Variants in RGS10 observed in about 807,000 individuals in gnomAD.
RGS10 encodes regulator of G protein signaling 10, also known as regulator of G-protein signalling 10.
In RGS10, 11 loss-of-function variants were observed where a neutral mutation model predicts 23.5. The ratio of observed to expected loss-of-function variants is 0.47; its 90% CI spans 0.29 to 0.77. The LOEUF is 0.77. Among genes scored for constraint, RGS10 ranks in the 30% least tolerant of loss-of-function variants. The pLI is 0.08. For synonymous variants in RGS10, 77 were observed against 83.2 expected, an observed-to-expected ratio of 0.92 and a Z score of 0.41; for missense variants, 180 against 226.3, an observed-to-expected ratio of 0.80 and a Z score of 1.31.
chr10:119,542,029 C>T (rs1341998859), intron 1 of RGS10, among the ~76,000 whole-genome samples: 2 of 152,244 alleles, frequency 1.3e-5, no homozygotes, highest in Non-Finnish European at 2.9e-5. Context: ...AACGTCAGAA[C>T]TTCGCTGGCT....
At chr10:119,512,333 G>A (rs933346129) in intron 4 of RGS10, among the ~76,000 whole-genome samples, 5 of 152,126 alleles carry the variant, frequency 3.3e-5, no homozygotes, top group African/African-American at 1.2e-4. Context: ...GCTCTCGAGG[G>A]AGCCTTTGCA....
At chr10:119,536,578 G>C (rs1273031367) in intron 1 of RGS10, 6 of 1,457,534 alleles carry the variant, frequency 4.1e-6, no homozygotes, top group Non-Finnish European at 4.6e-6. Context: ...AGCACCCTTG[G>C]GTCCGAAGAA....
chr10:119,531,682 T>G (rs753159363), intron 1 of RGS10, among the ~76,000 whole-genome samples: 1 of 152,156 alleles, frequency 6.6e-6, no homozygotes, highest in South Asian at 2.1e-4. Flanking sequence ...ATCCAGAAGA[T>G]AGAATGACCT....
At chr10:119,533,039 C>CAAAA (rs537478454) in intron 1 of RGS10, among the ~76,000 whole-genome samples, 1 of 103,692 alleles carries the variant, frequency 9.6e-6, no homozygotes, top group African/African-American at 4.0e-5. Context: ...GACGCTGTCT[C>CAAAA]AAAAAAAAAA....
At chr10:119,509,828 G>A (rs1236610011) in intron 4 of RGS10, among the ~76,000 whole-genome samples, 8 of 152,228 alleles carry the variant, frequency 5.3e-5, no homozygotes, top group East Asian at 3.9e-4. Context: ...GTCAGACAGC[G>A]GCAGGGCTGG....
At position 119,517,298 on chromosome 10, in the gene RGS10, G is replaced by A. The variant is rs927000878; in HGVS notation, c.256-1646C>T. On this transcript the variant is annotated intron_variant, in intron 3 of 4. Transcript: ENST00000369103. This position sits in a 1 kb window ranked among gnomAD's most constrained non-coding sequence, Gnocchi z 5.0. ...AGACGGCCCAGGTTGGGTGAACACC[G>A]AAAGCCATGCTGTCCACCCTGTCTT... Among the ~76,000 whole-genome samples, 5 of 150,238 alleles carry A rather than the reference G, an allele frequency of 3.3e-5. No individual in the cohort carries two copies. The highest frequency in any genetic ancestry group is 7.5e-5 in the Non-Finnish European group (5 of 66,886).
At chr10:119,542,467 C>A in intron 1 of RGS10, 123 bp downstream of exon 1, 2 of 817,086 alleles carry the variant, frequency 2.4e-6, no homozygotes, top group South Asian at 3.4e-5. Flanking sequence ...GTGGTGCGGT[C>A]GGCCGGGGCT....
chr10:119,531,739 G>A (rs1489912382), intron 1 of RGS10, among the ~76,000 whole-genome samples: 1 of 152,064 alleles, frequency 6.6e-6, no homozygotes, highest in Non-Finnish European at 1.5e-5. Context: ...CCCAATACTG[G>A]GACCTGTATG....
chr10:119,537,488 T>A (rs1844400695), intron 1 of RGS10, among the ~76,000 whole-genome samples: 1 of 152,050 alleles, frequency 6.6e-6, no homozygotes, highest in Non-Finnish European at 1.5e-5. Flanking sequence ...AAGGGCCCCA[T>A]TTTACAGATC....
intron 4 of RGS10, among the ~76,000 whole-genome samples, chr10:119,504,747 G>A (rs547919510): frequency 3.9e-5 from 6 of 152,238 alleles, no homozygotes; most frequent in Admixed American, 6.5e-5. Flanking sequence ...GGGAGACATC[G>A]GTGATGCAGC....
chr10:119,506,094 G>A (rs756991829), intron 4 of RGS10, among the ~76,000 whole-genome samples: 23 of 152,204 alleles, frequency 1.5e-4, no homozygotes, highest in Non-Finnish European at 2.1e-4. Context: ...GTACCCACGC[G>A]AGGAGACAGA....
chr10:119,517,216 CA>C lies in RGS10; in HGVS notation c.256-1565del, dbSNP rs1404321123. ...CTGGGGACAAAAGATCCTGAGAAGC[CA>C]CGGCCTGGCCATGTCCTGTTCTGCG... On this transcript the variant is annotated intron_variant, in intron 3 of 4. Coordinates refer to ENST00000369103, the MANE Select transcript of RGS10 (RefSeq NM_001005339.2). The surrounding 1 kb of genome is among the most constrained non-coding windows in gnomAD (Gnocchi z 5.0). Among the ~76,000 whole-genome samples the C allele has an allele frequency of 6.6e-6, 1 of 152,230 alleles. No homozygotes were observed. The highest frequency in any genetic ancestry group is 6.5e-5 in the Admixed American group (1 of 15,294).
rs746100354 is a variant in RGS10, at chr10:119,526,068, T to C, written c.219A>G (p.Ala73=). The C allele has an allele frequency of 3.1e-5, 49 of 1,582,190 alleles. 1 individual carries two copies. The South Asian group carries it at 5.8e-4, about 19-fold the overall frequency. The part of the protein sequence containing the change: ...FSEENVLFWL[A]CEDFKKMQDK... ...CTTGCATTTTCTTAAAATCTTCACA[T>C]GCTAGCCAAAACAAAACATTTTCTT... Residue 73 remains alanine, a synonymous_variant, in exon 3 of 5, where the codon GCA becomes GCG. Transcript: ENST00000369103.
intron 3 of RGS10, among the ~76,000 whole-genome samples, chr10:119,523,581 C>T (rs1844242061): frequency 6.6e-6 from 1 of 152,212 alleles, no homozygotes; most frequent in Non-Finnish European, 1.5e-5. Flanking sequence ...AGGAGGATCA[C>T]CTGAACCCAG....
chr10:119,500,390 C>T, intron 4 of RGS10, 131 bp from the exon 5 acceptor site: 1 of 833,092 alleles, frequency 1.2e-6, no homozygotes, highest in Non-Finnish European at 1.8e-6. Flanking sequence ...ACTAAGAAAG[C>T]TCAAATAAGT....
chr10:119,517,083 G>A lies in RGS10; in HGVS notation c.256-1431C>T, dbSNP rs996598884. ...CCGCATGTGCTGTGGGGCTTGGTTT[G>A]GGAAATCCCAAGCTCTGCAAACCTT... On this transcript the variant is annotated intron_variant, in intron 3 of 4. Coordinates refer to ENST00000369103, the MANE Select transcript of RGS10 (RefSeq NM_001005339.2). This position sits in a 1 kb window ranked among gnomAD's most constrained non-coding sequence, Gnocchi z 5.0. Among the ~76,000 whole-genome samples, 4 of 152,232 alleles carry A rather than the reference G, an allele frequency of 2.6e-5. No individual in the cohort carries two copies. The highest frequency in any genetic ancestry group is 5.9e-5 in the Non-Finnish European group (4 of 68,040).
intron 1 of RGS10, among the ~76,000 whole-genome samples, chr10:119,529,614 C>T (rs1844313144): frequency 6.6e-6 from 1 of 152,208 alleles, no homozygotes; most frequent in Non-Finnish European, 1.5e-5. Context: ...TAGCAGCACA[C>T]TTGGGACACA....
At chr10:119,501,722 C>CA (rs11389597) in intron 4 of RGS10, among the ~76,000 whole-genome samples, 10,637 of 149,604 alleles carry the variant, frequency 0.071, 499 homozygotes, top group African/African-American at 0.12. Flanking sequence ...GACTCTGTCT[C>CA]AAAAAAAAAG....
intron 4 of RGS10, among the ~76,000 whole-genome samples, chr10:119,503,639 G>A (rs528382822): frequency 2.0e-5 from 3 of 152,348 alleles, no homozygotes; most frequent in African/African-American, 7.2e-5. Flanking sequence ...CCATTTGACA[G>A]AGGAAGAAAC....
Sources: allele counts gnomAD v4.1 joint callset (sites outside exome capture counted in the v4.1 genomes callset), GRCh38; gene constraint gnomAD v4.1.1; non-coding constraint Gnocchi (gnomAD v3.1); transcripts MANE v1.5; gene names NCBI Gene and HGNC (gene_info 2026-07-23, HGNC 2026-07-21).